Variants in AK5 observed in about 807,000 individuals in gnomAD.
AK5 encodes the protein adenylate kinase isoenzyme 5.
In AK5, 27 loss-of-function variants were observed where a neutral mutation model predicts 69.5. That is an observed-to-expected ratio of 0.39 (90% CI 0.29 to 0.54). The LOEUF (loss-of-function observed/expected upper bound fraction) is 0.54, where lower values mean the gene tolerates loss of function less well. AK5 is among the 20% of genes least tolerant of loss of function. The probability of loss-of-function intolerance (pLI) is 0.71; values close to 1 mark genes in which losing one functional copy is unlikely to be tolerated. For synonymous variants in AK5, 260 were observed against 244.4 expected, an observed-to-expected ratio of 1.06 and a Z score of -0.60; for missense variants, 531 against 700.4, an observed-to-expected ratio of 0.76 and a Z score of 2.73.
At chr1:77,496,203 A>G (rs1451141603) in intron 10 of AK5, among the ~76,000 whole-genome samples, 1 of 152,208 alleles carries the variant, frequency 6.6e-6, no homozygotes, top group Admixed American at 6.5e-5. Flanking sequence ...AACTGGGAAG[A>G]AAGTGGGGGT....
Position 77,430,135 on chromosome 1 carries a change from A to C in AK5, c.1059+12420A>C, listed in dbSNP as rs538628311. On this transcript the variant is annotated intron_variant, in intron 8 of 13. Transcript: ENST00000354567. ...GAAAAGCAATCTATGGAGTTCAAAA[A>C]AAAAAAACAAAAAAACAAGGCATCT... Among the ~76,000 whole-genome samples, 124 of 152,254 alleles carry C rather than the reference A, an allele frequency of 8.1e-4. No homozygotes were observed. In the Middle Eastern group the frequency reaches 0.01, roughly 13 times the overall value.
At chr1:77,310,960 CGTTTATAG>C (rs1659918811) in intron 5 of AK5, among the ~76,000 whole-genome samples, 1 of 151,900 alleles carries the variant, frequency 6.6e-6, no homozygotes, top group Non-Finnish European at 1.5e-5. Context: ...TAAATATAAT[CGTTTATAG>C]GTTTGCTACT....
At chr1:77,378,992 G>A (rs1647437136) in intron 6 of AK5, among the ~76,000 whole-genome samples, 1 of 152,210 alleles carries the variant, frequency 6.6e-6, no homozygotes, top group Non-Finnish European at 1.5e-5. Flanking sequence ...CACCACAGCA[G>A]GCACAAGAGA....
At chr1:77,405,777 C>A (rs114053350) in intron 6 of AK5, among the ~76,000 whole-genome samples, 77 of 152,250 alleles carry the variant, frequency 5.1e-4, no homozygotes, top group African/African-American at 1.8e-3. Flanking sequence ...ACTCCCTCCC[C>A]CTACCAGACT....
At chr1:77,481,820 A>G (rs1371787281) in intron 8 of AK5, among the ~76,000 whole-genome samples, 1 of 152,224 alleles carries the variant, frequency 6.6e-6, no homozygotes, top group Admixed American at 6.5e-5. Flanking sequence ...GCAGTATGAA[A>G]TGATATTTAT....
intron 6 of AK5, 24 bp from the exon 7 acceptor site, chr1:77,410,957 C>A: frequency 6.2e-7 from 1 of 1,602,046 alleles, no homozygotes; most frequent in South Asian, 1.1e-5. Context: ...ACATTCCAAA[C>A]TTGTCTGTCC....
chr1:77,293,401 C>G (rs1310505945), intron 2 of AK5: 1 of 166,574 alleles, frequency 6.0e-6, no homozygotes, highest in Admixed American at 6.4e-5. Context: ...ACGATGTATA[C>G]AACCTACCAA....
intron 2 of AK5, among the ~76,000 whole-genome samples, chr1:77,289,026 A>T (rs1315462612): frequency 1.3e-5 from 2 of 152,216 alleles, no homozygotes; most frequent in African/African-American, 4.8e-5. Context: ...AAACCTTACA[A>T]TACCAAAGAG....
At chr1:77,503,080 A>G (rs1288515338) in intron 10 of AK5, among the ~76,000 whole-genome samples, 2 of 152,184 alleles carry the variant, frequency 1.3e-5, no homozygotes, top group African/African-American at 2.4e-5. Flanking sequence ...AGAAATTCCA[A>G]TATTTAGGCA....
rs112669450 is a variant in AK5 at position 77,536,120 on chromosome 1, A to G, written c.1620+82A>G. 2.8e-4 allele frequency: 396 copies of G among 1,419,554 alleles called. 1 individual carries two copies. The African/African-American group carries it at 4.9e-3, about 18-fold the overall frequency. 87.9% of individuals were successfully genotyped at this position (1,419,554 alleles called of 1,614,324 possible). A position where few individuals can be genotyped will look rare whatever the true frequency, so the allele number is the denominator to read the frequency against. ...CAAGAAAAGAGAAAAAGCTGAGAAC[A>G]TTTTAGTTAAGGGATCTGGGAATTA... On this transcript the variant is annotated intron_variant, in intron 13 of 13. Coordinates refer to ENST00000354567, the MANE Select transcript of AK5 (RefSeq NM_174858.3).
At chr1:77,335,803 A>G (rs1014021333) in intron 5 of AK5, among the ~76,000 whole-genome samples, 1 of 152,092 alleles carries the variant, frequency 6.6e-6, no homozygotes, top group Admixed American at 6.5e-5. Flanking sequence ...TTATTTATCT[A>G]TTTATCCAGG....
intron 5 of AK5, among the ~76,000 whole-genome samples, chr1:77,335,094 A>AG (rs1312877004): frequency 2.0e-5 from 3 of 152,336 alleles, no homozygotes; most frequent in South Asian, 2.1e-4. Flanking sequence ...TTCTTCATAA[A>AG]GAATAGGGCA....
At chr1:77,419,597 A>G (rs9633478) in intron 8 of AK5, among the ~76,000 whole-genome samples, 138,620 of 152,186 alleles carry the variant, frequency 0.91, 63,223 homozygotes, top group Middle Eastern at 0.95. Context: ...TTGAATAGTA[A>G]ACTAGATGCA....
At chr1:77,359,824 C>T (rs762484289) in intron 6 of AK5, among the ~76,000 whole-genome samples, 23 of 152,156 alleles carry the variant, frequency 1.5e-4, no homozygotes, top group Non-Finnish European at 3.1e-4. Flanking sequence ...AATACAATGG[C>T]AGTGTTTTTT....
At chr1:77,528,995 G>A (rs1286429264) in intron 12 of AK5, among the ~76,000 whole-genome samples, 14 of 152,122 alleles carry the variant, frequency 9.2e-5, no homozygotes, top group Non-Finnish European at 2.1e-4. Context: ...ACACTTATAA[G>A]CCTACATATG....
chr1:77,419,472 G>A (rs12030606), intron 8 of AK5, among the ~76,000 whole-genome samples: 53,327 of 151,938 alleles, frequency 0.35, 11,728 homozygotes, highest in Non-Finnish European at 0.5. Flanking sequence ...GGGAAGATTA[G>A]AAGCCATGAA....
At chr1:77,400,882 GTC>G (rs1284949173) in intron 6 of AK5, among the ~76,000 whole-genome samples, 1 of 134,882 alleles carries the variant, frequency 7.4e-6, no homozygotes, top group Non-Finnish European at 1.6e-5. Context: ...TACCAATCAT[GTC>G]TGTTTTTAGA....
intron 6 of AK5, among the ~76,000 whole-genome samples, chr1:77,354,729 A>G (rs573898924): frequency 3.9e-4 from 60 of 152,312 alleles, no homozygotes; most frequent in Non-Finnish European, 5.7e-4. Context: ...GTCTCTAACC[A>G]TTGCCAATTC....
At chr1:77,383,263 A>G (rs541149028) in intron 6 of AK5, among the ~76,000 whole-genome samples, 43 of 152,298 alleles carry the variant, frequency 2.8e-4, no homozygotes, top group Non-Finnish European at 3.4e-4. Context: ...TATTACACAC[A>G]TTTCCAAACA....
Sources: gnomAD v4.1 joint callset for allele counts (sites outside exome capture counted in the v4.1 genomes callset) on GRCh38, gnomAD v4.1.1 for gene constraint, MANE v1.5 for transcripts, NCBI Gene and HGNC (gene_info 2026-07-23, HGNC 2026-07-21) for gene names.